The following MMP24 variants were observed in gnomAD, a reference collection of about 807,000 sequenced individuals.
MMP24 encodes matrix metalloproteinase-24.
A neutral mutation model predicts 62.8 loss-of-function variants in MMP24; 25 were observed. The observed-to-expected ratio is 0.40, with a 90% confidence interval of 0.29 to 0.56. The LOEUF (loss-of-function observed/expected upper bound fraction) is 0.56, where lower values mean the gene tolerates loss of function less well. MMP24 is among the 20% of genes least tolerant of loss of function. MMP24 has a pLI of 0.50. For missense variants in MMP24, 634 were observed against 853.6 expected, an observed-to-expected ratio of 0.74 and a Z score of 3.21; for synonymous variants, 319 against 350.5, an observed-to-expected ratio of 0.91 and a Z score of 1.00.
chr20:35,253,270 C>CTTGTTTTTTTTTTT (rs2060557206), intron 3 of MMP24, among the ~76,000 whole-genome samples: 1 of 79,078 alleles, frequency 1.3e-5, no homozygotes, highest in Non-Finnish European at 2.3e-5. Context: ...CAGAACGGGA[C>CTTGTTTTTTTTTTT]TTTTTTTTTT....
intron 8 of MMP24, among the ~76,000 whole-genome samples, chr20:35,273,750 C>T (rs1193671405): frequency 1.3e-5 from 2 of 152,172 alleles, no homozygotes; most frequent in Non-Finnish European, 2.9e-5. Flanking sequence ...GCAGGGCTGC[C>T]CAGCCTCTCT....
chr20:35,268,702 G>A (rs998544023), intron 6 of MMP24, among the ~76,000 whole-genome samples: 4 of 152,210 alleles, frequency 2.6e-5, no homozygotes, highest in Non-Finnish European at 5.9e-5. Flanking sequence ...GCAGGTCCGG[G>A]TTTTATCATC....
At chr20:35,229,168 G>A (rs991139359) in intron 1 of MMP24, among the ~76,000 whole-genome samples, 1 of 152,146 alleles carries the variant, frequency 6.6e-6, no homozygotes, top group East Asian at 1.9e-4. Context: ...ATTGCACTCA[G>A]TAACTTCCTT....
chr20:35,271,924 C>CACTG lies in MMP24; in HGVS notation c.1600+89_1600+90insACTG. On this transcript the variant is annotated intron_variant, in intron 8 of 8. Transcript: ENST00000246186. The surrounding 1 kb of genome is among the most constrained non-coding windows in gnomAD (Gnocchi z 4.0). ...CACGGGCATACTCAGTGCCCATGGG[C>CACTG]GTCCAGGTTTGAAAAAACACCTGGT... The CACTG allele has an allele frequency of 1.4e-6, 2 of 1,414,492 alleles. No individual in the cohort carries two copies. Among genetic ancestry groups the CACTG allele is most frequent in the Non-Finnish European group, 1.9e-6 (2 of 1,071,170 alleles). 87.6% of individuals were successfully genotyped at this position (1,414,492 alleles called of 1,614,324 possible).
intron 4 of MMP24, among the ~76,000 whole-genome samples, chr20:35,262,107 AGGGCCT>A (rs1485115726): frequency 6.6e-6 from 1 of 152,142 alleles, no homozygotes; most frequent in Non-Finnish European, 1.5e-5. Context: ...CAGCCAGCTC[AGGGCCT>A]TTTCATCTCT....
Position 35,271,759 on chromosome 20 carries a change from T to A in MMP24, c.1524T>A (p.Pro508=). The part of the protein sequence containing the change: ...RYSEERRATD[P]GYPKPITVWK... The stretch of plus-strand genomic sequence containing the variant: ...GCGAGGAGCGGCGGGCCACGGACCC[T>A]GGCTACCCTAAGCCCATCACCGTGT... The change falls in exon 8 of 9, where the codon CCT becomes CCA. Residue 508 remains proline (P), a synonymous_variant. Coordinates refer to ENST00000246186, the MANE Select transcript of MMP24 (RefSeq NM_006690.4). The surrounding 1 kb of genome is among the most constrained non-coding windows in gnomAD (Gnocchi z 4.0). The A allele has an allele frequency of 6.3e-7, 1 of 1,598,412 alleles. No homozygotes were observed. The highest frequency in any genetic ancestry group is 1.1e-5 in the South Asian group (1 of 88,894).
At chr20:35,248,304 C>T (rs1160809429) in intron 2 of MMP24, among the ~76,000 whole-genome samples, 2 of 146,826 alleles carry the variant, frequency 1.4e-5, no homozygotes, top group East Asian at 1.9e-4. Flanking sequence ...GATTCCCCCC[C>T]CCTTTTTTTT....
intron 4 of MMP24, among the ~76,000 whole-genome samples, chr20:35,255,191 C>T (rs1416674319): frequency 6.6e-6 from 1 of 151,958 alleles, no homozygotes; most frequent in Non-Finnish European, 1.5e-5. Flanking sequence ...ATTATCTGGG[C>T]GTGGTGGCGG....
chr20:35,274,382 CAGA>C lies in MMP24; in HGVS notation c.1714_1716del (p.Lys572del), dbSNP rs757961147. ...CCTGCGTGACTGGATGGGCTGCAACCAGAAGGAGGTGGAGCGGCGGAAGGAGCG... is the reference window on the plus strand; with the variant it reads ...CCTGCGTGACTGGATGGGCTGCAACCAGGAGGTGGAGCGGCGGAAGGAGCG... On this transcript the variant is annotated inframe_deletion, in exon 9 of 9. Coordinates refer to ENST00000246186, the MANE Select transcript of MMP24 (RefSeq NM_006690.4). The surrounding 1 kb of genome is among the most constrained non-coding windows in gnomAD (Gnocchi z 5.1). The C allele has an allele frequency of 5.0e-6, 8 of 1,613,860 alleles. No homozygotes were observed. The highest frequency in any genetic ancestry group is 4.5e-5 in the East Asian group (2 of 44,898).
chr20:35,247,040 G>C, intron 2 of MMP24, 52 bp downstream of exon 2: 1 of 1,605,646 alleles, frequency 6.2e-7, no homozygotes, highest in Admixed American at 1.7e-5. Flanking sequence ...CTTACATTTG[G>C]GTTCACATTT....
At chr20:35,265,608 G>A (rs1172137144) in intron 5 of MMP24, among the ~76,000 whole-genome samples, 1 of 152,028 alleles carries the variant, frequency 6.6e-6, no homozygotes, top group African/African-American at 2.4e-5. Flanking sequence ...GCCGGGCGCG[G>A]TGGCTCAAAC....
At chr20:35,246,176 C>T (rs62211520) in intron 1 of MMP24, among the ~76,000 whole-genome samples, 131 of 151,876 alleles carry the variant, frequency 8.6e-4, no homozygotes, top group Middle Eastern at 3.4e-3. Context: ...CCGTGCTGGC[C>T]GGGCGCGGTG....
At chr20:35,249,820 C>G (rs1307361727) in intron 2 of MMP24, among the ~76,000 whole-genome samples, 1 of 151,906 alleles carries the variant, frequency 6.6e-6, no homozygotes, top group Non-Finnish European at 1.5e-5. Flanking sequence ...GTCTCGATCT[C>G]CTGACCTCGT....
chr20:35,274,236 G>T lies in MMP24; in HGVS notation c.1601-36G>T. 1 of 1,560,296 alleles carries T rather than the reference G, an allele frequency of 6.4e-7. No individual in the cohort carries two copies. The highest frequency in any genetic ancestry group is 8.7e-7 in the Non-Finnish European group (1 of 1,151,566). On this transcript the variant is annotated intron_variant, in intron 8 of 8. Transcript: ENST00000246186. This position sits in a 1 kb window ranked among gnomAD's most constrained non-coding sequence, Gnocchi z 5.1. ...CTGCCCCAGAGCAGGTGCCGGAAGTGTCTGGGAGTGGTGATGCTGGGCTGT... is the reference window on the plus strand; with the variant it reads ...CTGCCCCAGAGCAGGTGCCGGAAGTTTCTGGGAGTGGTGATGCTGGGCTGT...
At chr20:35,266,717 C>G (rs897017627) in intron 5 of MMP24, among the ~76,000 whole-genome samples, 15 of 152,180 alleles carry the variant, frequency 9.9e-5, no homozygotes, top group African/African-American at 3.6e-4. Flanking sequence ...CAGGCCCCAC[C>G]CCAGGCCCTC....
At chr20:35,247,570 AG>A (rs2060522176) in intron 2 of MMP24, among the ~76,000 whole-genome samples, 1 of 152,188 alleles carries the variant, frequency 6.6e-6, no homozygotes, top group Admixed American at 6.5e-5. Flanking sequence ...AAAAGCCATG[AG>A]GATGGTCCCA....
intron 3 of MMP24, among the ~76,000 whole-genome samples, chr20:35,253,270 C>CTTTTTTTTTTTTTTTTTTTT (rs34474017): frequency 1.3e-5 from 1 of 79,078 alleles, no homozygotes; most frequent in Non-Finnish European, 2.3e-5. Flanking sequence ...CAGAACGGGA[C>CTTTTTTTTTTTTTTTTTTTT]TTTTTTTTTT....
chr20:35,262,706 C>T (rs1017614934), intron 4 of MMP24: 2 of 145,570 alleles, frequency 1.4e-5, no homozygotes, highest in Admixed American at 6.7e-5. Flanking sequence ...TCAGGTCTTT[C>T]CCTTCCCACG....
chr20:35,273,984 C>G (rs949734934), intron 8 of MMP24, among the ~76,000 whole-genome samples: 57 of 152,282 alleles, frequency 3.7e-4, no homozygotes, highest in African/African-American at 1.3e-3. Flanking sequence ...CCCAGGCTTG[C>G]GTGCAAGGGG....
Sources: allele counts gnomAD v4.1 joint callset (sites outside exome capture counted in the v4.1 genomes callset), GRCh38; gene constraint gnomAD v4.1.1; non-coding constraint Gnocchi (gnomAD v3.1); transcripts MANE v1.5; gene names NCBI Gene and HGNC (gene_info 2026-07-23, HGNC 2026-07-21).